Variants in HNRNPLL observed in about 807,000 individuals in gnomAD.
HNRNPLL encodes the protein heterogeneous nuclear ribonucleoprotein L-like.
A neutral mutation model predicts 67.1 loss-of-function variants in HNRNPLL; 25 were observed. The observed-to-expected ratio is 0.37, with a 90% CI of 0.27 to 0.52. HNRNPLL has a LOEUF of 0.52. Among genes scored for constraint, HNRNPLL ranks in the 20% least tolerant of loss-of-function variants. HNRNPLL has a pLI of 0.90. For missense variants in HNRNPLL, 542 were observed against 673.9 expected, an observed-to-expected ratio of 0.80 and a Z score of 2.17; for synonymous variants, 267 against 241.7, an observed-to-expected ratio of 1.10 and a Z score of -0.97.
chr2:38,586,426 G>C (rs2148367092), intron 2 of HNRNPLL, among the ~76,000 whole-genome samples: 1 of 152,220 alleles, frequency 6.6e-6, no homozygotes, highest in African/African-American at 2.4e-5. Flanking sequence ...ACAATTATCT[G>C]TTATTAGTTA....
chr2:38,594,426 G>T (rs949278782), intron 1 of HNRNPLL, among the ~76,000 whole-genome samples: 1 of 152,160 alleles, frequency 6.6e-6, no homozygotes, highest in South Asian at 2.1e-4. Context: ...ATGTCATGAT[G>T]TTTGAAATTT....
rs1665735742 is a variant in HNRNPLL, at chr2:38,563,458, T to C, written c.*724A>G. On this transcript the variant is annotated 3_prime_UTR_variant, in exon 13 of 13. Transcript: ENST00000449105. ...CCTCTATTAAAATCTCAATGCCAAA[T>C]ACTAGCTGTATTTAAGTCACATGCA... The C allele has an allele frequency of 6.6e-6, 1 of 152,098 alleles. No individual in the cohort carries two copies. Among genetic ancestry groups the C allele is most frequent in the Non-Finnish European group, 1.5e-5 (1 of 67,944 alleles). The allele number at this position is 152,098 out of a possible 1,614,324, so 9.4% of individuals were successfully genotyped here. A position where few individuals can be genotyped will look rare whatever the true frequency, so the allele number is the denominator to read the frequency against.
intron 6 of HNRNPLL, chr2:38,577,995 A>G (rs1222279550): frequency 4.2e-6 from 2 of 471,026 alleles, no homozygotes; most frequent in Admixed American, 4.7e-5. Flanking sequence ...GCATAAGCCA[A>G]CAACAACCTG....
intron 8 of HNRNPLL, among the ~76,000 whole-genome samples, chr2:38,572,436 GA>G (rs1313013698): frequency 6.6e-6 from 1 of 151,722 alleles, no homozygotes; most frequent in Non-Finnish European, 1.5e-5. Context: ...CTTAAAACAG[GA>G]AAAAAACACA....
intron 1 of HNRNPLL, among the ~76,000 whole-genome samples, chr2:38,598,467 T>C (rs1667300223): frequency 6.6e-6 from 1 of 152,244 alleles, no homozygotes; most frequent in South Asian, 2.1e-4. Flanking sequence ...CGCTCCCTTT[T>C]TGTTTTCCTT....
At chr2:38,585,471 A>G (rs1246674257) in intron 3 of HNRNPLL, among the ~76,000 whole-genome samples, 173 bp downstream of exon 3, 1 of 152,210 alleles carries the variant, frequency 6.6e-6, no homozygotes, top group Non-Finnish European at 1.5e-5. Context: ...TATCTTTTTA[A>G]CTACAGTGCT....
At position 38,569,129 on chromosome 2, in the gene HNRNPLL, C is replaced by G; in HGVS notation, c.1416+4G>C. On this transcript the variant is annotated splice_donor_region_variant and intron_variant, in intron 10 of 12. Coordinates refer to ENST00000449105, the MANE Select transcript of HNRNPLL (RefSeq NM_138394.4). ...TCTATACACATTTGTATTTCAGTGC[C>G]TACCTTTGTGAAGGTCTCTTCTGTG... 6.3e-7 allele frequency: 1 copy of G among 1,577,928 alleles called. No individual in the cohort carries two copies. The highest frequency in any genetic ancestry group is 2.2e-5 in the East Asian group (1 of 44,680).
At position 38,567,353 on chromosome 2, in the gene HNRNPLL, C is replaced by T. The variant is rs183480769; in HGVS notation, c.1573+846G>A. On this transcript the variant is annotated intron_variant, in intron 12 of 12. Transcript: ENST00000449105. ...CTGGTCTCGAACTCCTGACCTCAGA[C>T]GATCCACCCGCCTCAGTCTCCCAAA... Among the ~76,000 whole-genome samples, 4 of 152,090 alleles carry T rather than the reference C, an allele frequency of 2.6e-5. No homozygotes were observed. The East Asian group carries it at 5.8e-4, about 22-fold the overall frequency.
chr2:38,586,243 G>C (rs571014671), intron 2 of HNRNPLL, among the ~76,000 whole-genome samples: 9 of 152,156 alleles, frequency 5.9e-5, no homozygotes, highest in South Asian at 2.1e-4. Context: ...GGATGGTCTC[G>C]ATCTCCTGAC....
chr2:38,562,239 T>C lies in HNRNPLL; in HGVS notation c.*1943A>G, dbSNP rs1443507910. On this transcript the variant is annotated 3_prime_UTR_variant, in exon 13 of 13. Coordinates refer to ENST00000449105, the MANE Select transcript of HNRNPLL (RefSeq NM_138394.4). ...TCAAAAACATTAGTGACAGCAGCAG[T>C]ATAGGGCTTACACACCAGTGTATAA... 6.6e-6 allele frequency: 1 copy of C among 152,182 alleles called. No homozygotes were observed. Among genetic ancestry groups the C allele is most frequent in the Non-Finnish European group, 1.5e-5 (1 of 68,000 alleles). The allele number at this position is 152,182 out of a possible 1,614,324, so 9.4% of individuals were successfully genotyped here.
At position 38,602,612 on chromosome 2, in the gene HNRNPLL, AGAG is replaced by A. The variant is rs1379081068; in HGVS notation, c.12_14del (p.Ser7del). 6.4e-7 allele frequency: 1 copy of A among 1,551,932 alleles called. No homozygotes were observed. Among genetic ancestry groups the A allele is most frequent in the Non-Finnish European group, 8.7e-7 (1 of 1,152,448 alleles). ...CCTCGTACGTCTCCCTGGGGGAGGA[AGAG>A]GAGGAGGACATGGCGGCGGCCGGAG... On this transcript the variant is annotated inframe_deletion, in exon 1 of 13. Transcript: ENST00000449105.
chr2:38,588,419 G>C (rs1666817240), intron 2 of HNRNPLL, among the ~76,000 whole-genome samples: 2 of 151,792 alleles, frequency 1.3e-5, no homozygotes, highest in Admixed American at 1.3e-4. Context: ...CACGGTGGCA[G>C]GCGCCTGTAA....
chr2:38,586,016 G>A (rs986848543), intron 2 of HNRNPLL, 135 bp from the exon 3 acceptor site: 6 of 654,782 alleles, frequency 9.2e-6, no homozygotes, highest in Admixed American at 2.5e-5. Flanking sequence ...TGTGTCCAAC[G>A]TAAGTCAACT....
At chr2:38,587,957 G>A (rs1666798679) in intron 2 of HNRNPLL, among the ~76,000 whole-genome samples, 1 of 152,112 alleles carries the variant, frequency 6.6e-6, no homozygotes, top group Non-Finnish European at 1.5e-5. Context: ...CCCTTTGTGT[G>A]CGCGCTCTCT....
At chr2:38,590,116 T>G (rs1053654694) in intron 2 of HNRNPLL, among the ~76,000 whole-genome samples, 1 of 152,216 alleles carries the variant, frequency 6.6e-6, no homozygotes, top group Non-Finnish European at 1.5e-5. Context: ...CAAACTTTAC[T>G]ATGCCCATGC....
At chr2:38,577,644 A>T (rs1666352140) in intron 6 of HNRNPLL, 112 bp from the exon 7 acceptor site, 1 of 689,994 alleles carries the variant, frequency 1.4e-6, no homozygotes, top group Non-Finnish European at 2.7e-6. Flanking sequence ...CATAAAAGAA[A>T]TACGATTCCT....
At chr2:38,581,334 C>T (rs1002600799) in intron 6 of HNRNPLL, 4 of 152,826 alleles carry the variant, frequency 2.6e-5, no homozygotes, top group Admixed American at 2.6e-4. Context: ...TATAAATGGG[C>T]ACAGTCTATC....
intron 1 of HNRNPLL, chr2:38,601,935 G>A (rs1667454941): frequency 6.5e-6 from 1 of 153,582 alleles, no homozygotes; most frequent in Admixed American, 6.5e-5. Context: ...GCATGTGAAC[G>A]CCAAGGCATA....
chr2:38,564,573 T>A (rs916012861), intron 12 of HNRNPLL, among the ~76,000 whole-genome samples: 1 of 144,360 alleles, frequency 6.9e-6, no homozygotes, highest in African/African-American at 2.6e-5. Flanking sequence ...CAAGCCAAGA[T>A]TGTGCACTCT....
Sources: allele counts gnomAD v4.1 joint callset (sites outside exome capture counted in the v4.1 genomes callset), GRCh38; gene constraint gnomAD v4.1.1; transcripts MANE v1.5; gene names NCBI Gene and HGNC (gene_info 2026-07-23, HGNC 2026-07-21).